Variants in DRD2 observed in about 807,000 individuals in gnomAD.
DRD2 encodes the protein D(2) dopamine receptor.
DRD2 carries 8 observed loss-of-function variants against 38.0 expected under a neutral mutation model. The observed-to-expected ratio is 0.21, with a 90% CI of 0.12 to 0.38. The LOEUF is 0.38. Among genes scored for constraint, DRD2 ranks in the 10% least tolerant of loss-of-function variants. DRD2 has a pLI of 1.00. For missense variants in DRD2, 403 were observed against 607.7 expected (o/e 0.66, Z 3.54); for synonymous variants, 230 against 238.6 (o/e 0.96, Z 0.33).
At chr11:113,417,523 G>A (rs1271349210) in intron 3 of DRD2, among the ~76,000 whole-genome samples, 1 of 152,082 alleles carries the variant, frequency 6.6e-6, no homozygotes, top group African/African-American at 2.4e-5. Context: ...GGGAGGTAGG[G>A]TCATATCTGT....
At position 113,410,880 on chromosome 11, in the gene DRD2, G is replaced by A. The variant is rs566893226; in HGVS notation, c.1179C>T (p.His393=). Residue 393 remains histidine (H), a synonymous_variant, in exon 8 of 8, where the codon CAC becomes CAT. Transcript: ENST00000362072. ...TGCAGTCACAGTGTATGTTCAGGATGTGTGTGATGAAGAAGGGCAGCCAGC... is the reference window on the plus strand; with the variant it reads ...TGCAGTCACAGTGTATGTTCAGGATATGTGTGATGAAGAAGGGCAGCCAGC... ...IICWLPFFIT[H]ILNIHCDCNI... 1.9e-6 allele frequency: 3 copies of A among 1,612,440 alleles called. No individual in the cohort carries two copies. Among genetic ancestry groups the A allele is most frequent in the Non-Finnish European group, 2.5e-6 (3 of 1,178,610 alleles).
intron 1 of DRD2, among the ~76,000 whole-genome samples, chr11:113,443,550 C>T (rs1016684684): frequency 2.0e-5 from 3 of 152,224 alleles, no homozygotes; most frequent in Admixed American, 6.5e-5. Context: ...TGGGAAAGGA[C>T]GCTGACGGAT....
intron 1 of DRD2, among the ~76,000 whole-genome samples, chr11:113,437,770 G>T (rs934141045): frequency 6.6e-6 from 1 of 152,146 alleles, no homozygotes; most frequent in Admixed American, 6.5e-5. Context: ...GGTCCATCTG[G>T]CAGGCCAGGC....
At chr11:113,464,579 C>A (rs1213123843) in intron 1 of DRD2, among the ~76,000 whole-genome samples, 1 of 152,178 alleles carries the variant, frequency 6.6e-6, no homozygotes, top group Non-Finnish European at 1.5e-5. Context: ...CTCCTACTCC[C>A]CAAGCACACC....
chr11:113,437,921 G>A (rs1484217141), intron 1 of DRD2, among the ~76,000 whole-genome samples: 1 of 152,172 alleles, frequency 6.6e-6, no homozygotes, highest in Non-Finnish European at 1.5e-5. Flanking sequence ...AGGGAAGAGA[G>A]CAGAGAGGCA....
intron 7 of DRD2, 44 bp downstream of exon 7, chr11:113,412,512 C>A (rs774788210): frequency 1.9e-6 from 3 of 1,603,774 alleles, no homozygotes; most frequent in South Asian, 1.1e-5. Context: ...GGGAATGGGA[C>A]CTTTCACAGA....
intron 1 of DRD2, among the ~76,000 whole-genome samples, chr11:113,458,916 G>A (rs1227379054): frequency 2.6e-5 from 4 of 152,048 alleles, no homozygotes; most frequent in African/African-American, 9.7e-5. Flanking sequence ...TGGGGCAGGG[G>A]GAAATAAGAG....
intron 1 of DRD2, chr11:113,450,216 A>G (rs1951198424): frequency 6.6e-6 from 1 of 152,340 alleles, no homozygotes; most frequent in Admixed American, 6.5e-5. Context: ...CAACTAACTC[A>G]TCACACTAGC....
intron 1 of DRD2, among the ~76,000 whole-genome samples, chr11:113,468,918 G>A (rs1018914371): frequency 1.3e-5 from 2 of 152,046 alleles, no homozygotes; most frequent in Admixed American, 6.5e-5. Flanking sequence ...AGGCCATCCC[G>A]CCCTCACATT....
At chr11:113,418,157 T>C (rs754957378) in intron 2 of DRD2, 21 bp from the exon 3 acceptor site, 59 of 1,593,930 alleles carry the variant, frequency 3.7e-5, no homozygotes, top group Non-Finnish European at 4.9e-5. Context: ...AGCAACATAA[T>C]GGATGGACAG....
chr11:113,424,354 G>C lies in DRD2; in HGVS notation c.285+13C>G. 1.2e-6 allele frequency: 2 copies of C among 1,613,718 alleles called. No homozygotes were observed. Among genetic ancestry groups the C allele is most frequent in the Non-Finnish European group, 1.7e-6 (2 of 1,179,846 alleles). On this transcript the variant is annotated intron_variant, in intron 2 of 7. Transcript: ENST00000362072. ...CTGGAGAAAGTGCTGGAGCAAGCAG[G>C]GGGCCCACCTACCTCCAGGTAGACA...
intron 1 of DRD2, among the ~76,000 whole-genome samples, chr11:113,444,927 C>G (rs982900222): frequency 6.6e-6 from 1 of 152,214 alleles, no homozygotes; most frequent in African/African-American, 2.4e-5. Flanking sequence ...AACTTCCTGC[C>G]ACTTTTGTAG....
chr11:113,449,209 A>G (rs1188067003), intron 1 of DRD2, among the ~76,000 whole-genome samples: 1 of 152,036 alleles, frequency 6.6e-6, no homozygotes, highest in Non-Finnish European at 1.5e-5. Context: ...CCAACTGTCC[A>G]AATCCTTCCA....
At chr11:113,414,316 C>T in intron 6 of DRD2, 59 bp downstream of exon 6, 1 of 1,520,388 alleles carries the variant, frequency 6.6e-7, no homozygotes, top group Non-Finnish European at 9.1e-7. Context: ...GAACCATGGC[C>T]AGTGGGCTTC....
At chr11:113,466,564 A>T (rs1023238594) in intron 1 of DRD2, among the ~76,000 whole-genome samples, 2 of 152,326 alleles carry the variant, frequency 1.3e-5, no homozygotes, top group Non-Finnish European at 1.5e-5. Flanking sequence ...GAGGGTGGCC[A>T]GATAGTGCAG....
At chr11:113,428,830 T>C (rs1950961458) in intron 1 of DRD2, among the ~76,000 whole-genome samples, 2 of 152,174 alleles carry the variant, frequency 1.3e-5, no homozygotes, top group South Asian at 2.1e-4. Flanking sequence ...TCTCACTATG[T>C]TGCCCAGGCT....
At chr11:113,472,944 C>T (rs1246760563) in intron 1 of DRD2, among the ~76,000 whole-genome samples, 1 of 152,076 alleles carries the variant, frequency 6.6e-6, no homozygotes, top group Non-Finnish European at 1.5e-5. Flanking sequence ...TGGATTGCAT[C>T]CTTAATTTCA....
At chr11:113,436,904 T>C (rs1458934420) in intron 1 of DRD2, among the ~76,000 whole-genome samples, 1 of 152,154 alleles carries the variant, frequency 6.6e-6, no homozygotes, top group Non-Finnish European at 1.5e-5. Context: ...GCTGCCAGAC[T>C]CTCCCTCTGT....
At chr11:113,414,309 C>T in intron 6 of DRD2, 66 bp downstream of exon 6, 1 of 1,477,972 alleles carries the variant, frequency 6.8e-7, no homozygotes, top group Non-Finnish European at 9.5e-7. Flanking sequence ...GGTCTCAGAA[C>T]CATGGCCAGT....
Sources: allele counts gnomAD v4.1 joint callset (sites outside exome capture counted in the v4.1 genomes callset), GRCh38; gene constraint gnomAD v4.1.1; transcripts MANE v1.5; gene names NCBI Gene and HGNC (gene_info 2026-07-23, HGNC 2026-07-21).